The following ADD2 variants were observed in gnomAD, a reference collection of about 807,000 sequenced individuals.
The protein encoded by ADD2 is adducin 2, also known as beta-adducin.
A neutral mutation model predicts 83.0 loss-of-function variants in ADD2; 23 were observed. That is an observed-to-expected ratio of 0.28 (90% CI 0.20 to 0.39). The LOEUF (loss-of-function observed/expected upper bound fraction) is 0.39, where lower values mean the gene tolerates loss of function less well. Ranked by LOEUF, ADD2 falls within the 10% of genes least tolerant of loss-of-function variation. ADD2 has a pLI of 1.00. For missense variants in ADD2, 758 were observed against 944.9 expected (o/e 0.80, Z 2.59); for synonymous variants, 375 against 375.4 (o/e 1.00, Z 0.01).
chr2:70,674,422 A>C (rs1291304001), intron 14 of ADD2, among the ~76,000 whole-genome samples: 2 of 152,198 alleles, frequency 1.3e-5, no homozygotes, highest in Non-Finnish European at 2.9e-5. Flanking sequence ...TACTGGCCTA[A>C]GCCATATTTG....
chr2:70,724,790 C>T (rs1332576970), intron 1 of ADD2, among the ~76,000 whole-genome samples: 4 of 152,178 alleles, frequency 2.6e-5, no homozygotes, highest in Non-Finnish European at 4.4e-5. Flanking sequence ...GCTCTACATC[C>T]TACACATGCC....
At chr2:70,747,228 T>C (rs1038301907) in intron 1 of ADD2, among the ~76,000 whole-genome samples, 2 of 152,092 alleles carry the variant, frequency 1.3e-5, no homozygotes, top group Non-Finnish European at 2.9e-5. Flanking sequence ...GCCAGGATGG[T>C]CTCGATCTCC....
In ADD2 at chr2:70,767,872, C is replaced by T. The variant is rs782758040; in HGVS notation, c.-154+14G>A. 67 of 1,535,894 alleles carry T rather than the reference C, an allele frequency of 4.4e-5. 2 individuals are homozygous for T. The South Asian group carries it at 5.4e-4, about 12-fold the overall frequency. Reference sequence around the variant, plus strand: ...CCCCAGGCAGCCCACCAGGCCCGCTCCCCAGACCCTTACCTCCTGCGCGGC... The same window carrying T: ...CCCCAGGCAGCCCACCAGGCCCGCTTCCCAGACCCTTACCTCCTGCGCGGC... On this transcript the variant is annotated intron_variant, in intron 1 of 15. Coordinates refer to ENST00000264436, the MANE Select transcript of ADD2 (RefSeq NM_001617.4).
chr2:70,753,421 G>T (rs1402467625), intron 1 of ADD2, among the ~76,000 whole-genome samples: 1 of 152,134 alleles, frequency 6.6e-6, no homozygotes, highest in African/African-American at 2.4e-5. Flanking sequence ...AATGGGAGGA[G>T]GGGGGAAGGA....
intron 3 of ADD2, among the ~76,000 whole-genome samples, chr2:70,705,300 T>A (rs1671828065): frequency 6.6e-6 from 1 of 152,196 alleles, no homozygotes. Context: ...GCCCATTCCC[T>A]GGAGCTGCTC....
chr2:70,689,277 C>T (rs1670904893), intron 8 of ADD2, among the ~76,000 whole-genome samples: 1 of 152,226 alleles, frequency 6.6e-6, no homozygotes, highest in Non-Finnish European at 1.5e-5. Flanking sequence ...ACTGCATCTT[C>T]CCTCTGAAAC....
Position 70,706,153 on chromosome 2 carries a change from C to T in ADD2, c.183+73G>A. 2.0e-6 allele frequency: 3 copies of T among 1,510,984 alleles called. No homozygotes were observed. The highest frequency in any genetic ancestry group is 2.3e-5 in the East Asian group (1 of 43,910). 93.6% of individuals were successfully genotyped at this position (1,510,984 alleles called of 1,614,324 possible). On this transcript the variant is annotated intron_variant, in intron 3 of 15. Transcript: ENST00000264436. The surrounding 1 kb of genome is among the most constrained non-coding windows in gnomAD (Gnocchi z 5.0). ...AGCAAGGGAAAGAGGAGTTACTCAT[C>T]TTTCGGGTGGGTACACGTCCTGAAG... is the stretch of plus-strand genomic sequence containing the variant.
intron 1 of ADD2, among the ~76,000 whole-genome samples, chr2:70,726,279 G>T (rs1672999722): frequency 6.6e-6 from 1 of 150,668 alleles, no homozygotes; most frequent in African/African-American, 2.4e-5. Context: ...GGCAGAGGTT[G>T]TAGATCCAGT....
chr2:70,704,263 T>TACCCCC, intron 4 of ADD2, 58 bp downstream of exon 4: 1 of 913,238 alleles, frequency 1.1e-6, no homozygotes, highest in Non-Finnish European at 1.7e-6. Flanking sequence ...CTCCCTCTCT[T>TACCCCC]CCCCACCCCA....
At chr2:70,678,188 T>C (rs1553368779) in intron 11 of ADD2, among the ~76,000 whole-genome samples, 1 of 152,222 alleles carries the variant, frequency 6.6e-6, no homozygotes, top group Non-Finnish European at 1.5e-5. Context: ...ATTAGGTAAC[T>C]TGATTTGAGT....
At position 70,713,323 on chromosome 2, in the gene ADD2, G is replaced by C. The variant is rs1672293756; in HGVS notation, c.-153-139C>G. ...TAAAAGCAAATTATGCCTTTAAAAAGGTAAAGAGGCCAGGCACAGTGGCTC... is the reference window on the plus strand; with the variant it reads ...TAAAAGCAAATTATGCCTTTAAAAACGTAAAGAGGCCAGGCACAGTGGCTC... On this transcript the variant is annotated intron_variant, in intron 1 of 15. Coordinates refer to ENST00000264436, the MANE Select transcript of ADD2 (RefSeq NM_001617.4). 1.5e-5 allele frequency: 4 copies of C among 266,406 alleles called. No homozygotes were observed. In the South Asian group the frequency reaches 5.7e-4, roughly 38 times the overall value. 16.5% of individuals were successfully genotyped at this position (266,406 alleles called of 1,614,324 possible).
At chr2:70,725,068 G>C (rs1672917825) in intron 1 of ADD2, among the ~76,000 whole-genome samples, 1 of 152,188 alleles carries the variant, frequency 6.6e-6, no homozygotes, top group Non-Finnish European at 1.5e-5. Context: ...TTTATATCCT[G>C]GGTGTACTTT....
chr2:70,732,308 G>A (rs1673324531), intron 1 of ADD2, among the ~76,000 whole-genome samples: 1 of 152,196 alleles, frequency 6.6e-6, no homozygotes, highest in Non-Finnish European at 1.5e-5. Flanking sequence ...CGTCTACACA[G>A]ATCCAGATGC....
intron 4 of ADD2, among the ~76,000 whole-genome samples, chr2:70,703,321 C>T (rs55841912): frequency 2.0e-5 from 3 of 152,108 alleles, no homozygotes; most frequent in Non-Finnish European, 4.4e-5. Flanking sequence ...CAAACAAATG[C>T]ACATTAAAAC....
chr2:70,725,816 T>TG (rs1364946454), intron 1 of ADD2, among the ~76,000 whole-genome samples: 2 of 151,822 alleles, frequency 1.3e-5, no homozygotes, highest in Non-Finnish European at 2.9e-5. Flanking sequence ...TTTGCTAACC[T>TG]GCAGATTCTG....
rs1553372680 is a variant in ADD2, at chr2:70,696,295, G to A, written c.424C>T (p.Arg142Ter). The A allele has an allele frequency of 3.7e-6, 6 of 1,613,738 alleles. No homozygotes were observed. The highest frequency in any genetic ancestry group is 5.1e-6 in the Non-Finnish European group (6 of 1,179,880). ...LMRCKISSVY[R>*]LLDLYGWAQL... ...GCCCAGCCATAGAGGTCCAGGAGTCGGTAGACACTGCTGATCTTGCACCGC... is the reference window on the plus strand; with the variant it reads ...GCCCAGCCATAGAGGTCCAGGAGTCAGTAGACACTGCTGATCTTGCACCGC... Residue 142 changes from arginine (R) to a stop codon, truncating the protein, a stop_gained, in exon 5 of 16, where the codon CGA becomes TGA. Transcript: ENST00000264436. LOFTEE classifies it high-confidence loss of function.
At chr2:70,720,511 C>T (rs918099061) in intron 1 of ADD2, among the ~76,000 whole-genome samples, 1 of 152,202 alleles carries the variant, frequency 6.6e-6, no homozygotes, top group African/African-American at 2.4e-5. Flanking sequence ...TCTAGCGTCT[C>T]CTGCAGGATC....
intron 15 of ADD2, among the ~76,000 whole-genome samples, chr2:70,669,305 C>T (rs181416906): frequency 6.7e-4 from 102 of 152,286 alleles, no homozygotes; most frequent in Middle Eastern, 3.4e-3. Flanking sequence ...TAGTGTTGTC[C>T]TCACAATAAA....
chr2:70,683,872 T>TA lies in ADD2; in HGVS notation c.949-106dup, dbSNP rs751849276. Reference sequence around the variant, plus strand: ...AGAATGGGGAGTCCAGAGGAGAACTTAGAGGCCAAACTGAGAAAGAGCCAC... The same window carrying TA: ...AGAATGGGGAGTCCAGAGGAGAACTTAAGAGGCCAAACTGAGAAAGAGCCAC... On this transcript the variant is annotated intron_variant, in intron 9 of 15. Coordinates refer to ENST00000264436, the MANE Select transcript of ADD2 (RefSeq NM_001617.4). 6 of 1,312,154 alleles carry TA rather than the reference T, an allele frequency of 4.6e-6. No homozygotes were observed. The Admixed American group carries it at 1.2e-4, about 26-fold the overall frequency. The allele number at this position is 1,312,154 out of a possible 1,614,324, so 81.3% of individuals were successfully genotyped here.
Sources: gnomAD v4.1 joint callset for allele counts (sites outside exome capture counted in the v4.1 genomes callset) on GRCh38, gnomAD v4.1.1 for gene constraint, Gnocchi (gnomAD v3.1) non-coding constraint, MANE v1.5 for transcripts, NCBI Gene and HGNC (gene_info 2026-07-23, HGNC 2026-07-21) for gene names.